Variants in PHF24 observed in about 807,000 individuals in gnomAD.
The protein encoded by PHF24 is Galpha inhibitory interacting protein.
Under a neutral mutation model 42.6 loss-of-function variants are expected in PHF24, and 25 were observed. The ratio of observed to expected loss-of-function variants is 0.59; its 90% CI spans 0.43 to 0.82. The LOEUF is 0.82. Ranked by LOEUF, PHF24 falls within the 40% of genes least tolerant of loss-of-function variation. The pLI is 0.00. For missense variants in PHF24, 470 were observed against 538.1 expected (o/e 0.87, Z 1.25); for synonymous variants, 185 against 204.8 (o/e 0.90, Z 0.83).
exon 5 of PHF24, chr9:34,976,613 G>C (rs1384080133): frequency 1.2e-6 from 2 of 1,614,070 alleles, no homozygotes; most frequent in Non-Finnish European, 1.7e-6. Context: ...AGGGCCCTGA[G>C]TGAGGAGCAA....
At chr9:34,699,350 A>G in the PHF24 span, among the ~76,000 whole-genome samples, 1 of 152,206 alleles carries the variant, frequency 6.6e-6, no homozygotes, top group Non-Finnish European at 1.5e-5. Flanking sequence ...CCTGAAATAC[A>G]GTGGTTAAGG....
chr9:34,907,288 C>T, the PHF24 span, among the ~76,000 whole-genome samples: 1 of 152,140 alleles, frequency 6.6e-6, no homozygotes, highest in African/African-American at 2.4e-5. Flanking sequence ...GACTTACTGC[C>T]CCTCAAAGGA....
At chr9:34,733,121 A>C in the PHF24 span, among the ~76,000 whole-genome samples, 7 of 151,868 alleles carry the variant, frequency 4.6e-5, no homozygotes, top group Non-Finnish European at 8.8e-5. Flanking sequence ...CAATTGTATG[A>C]ATTTGCACTC....
At chr9:34,794,117 A>G in the PHF24 span, among the ~76,000 whole-genome samples, 1 of 152,132 alleles carries the variant, frequency 6.6e-6, no homozygotes, top group Non-Finnish European at 1.5e-5. Context: ...TCCAAAGTGT[A>G]CATGCATTGA....
At chr9:34,971,926 G>A (rs1020675496) in intron 2 of PHF24, among the ~76,000 whole-genome samples, 6 of 152,130 alleles carry the variant, frequency 3.9e-5, no homozygotes, top group Admixed American at 2.6e-4. Context: ...CCTCTTCCCC[G>A]CTGCCATGGG....
chr9:34,982,463 C>T (rs1369250292), exon 8 of PHF24: 1 of 152,252 alleles, frequency 6.6e-6, no homozygotes, highest in African/African-American at 2.4e-5. Flanking sequence ...TCTGCGTGGC[C>T]CAGCCTTCAC....
the PHF24 span, among the ~76,000 whole-genome samples, chr9:34,753,630 G>GA: frequency 3.3e-5 from 5 of 151,970 alleles, no homozygotes; most frequent in East Asian, 9.6e-4. Flanking sequence ...CACAGAAATA[G>GA]AAAAAACAAT....
the PHF24 span, among the ~76,000 whole-genome samples, chr9:34,814,209 C>T: frequency 1.3e-5 from 2 of 152,120 alleles, no homozygotes; most frequent in Non-Finnish European, 2.9e-5. Context: ...AAGTGTCTTT[C>T]CTAGGACTTC....
chr9:34,737,857 C>T, the PHF24 span, among the ~76,000 whole-genome samples: 1 of 152,248 alleles, frequency 6.6e-6, no homozygotes, highest in Non-Finnish European at 1.5e-5. Context: ...TGTCTGTTTC[C>T]TCTCCTCTTG....
the PHF24 span, among the ~76,000 whole-genome samples, chr9:34,883,485 C>G: frequency 6.6e-6 from 1 of 152,170 alleles, no homozygotes; most frequent in African/African-American, 2.4e-5. Flanking sequence ...GGCTAATATC[C>G]AGAATCTACA....
At chr9:34,782,549 A>G in the PHF24 span, among the ~76,000 whole-genome samples, 1 of 152,112 alleles carries the variant, frequency 6.6e-6, no homozygotes, top group African/African-American at 2.4e-5. Context: ...CAGTCCAGTG[A>G]CTCATCCTGT....
At chr9:34,723,860 C>T in the PHF24 span, 31 of 1,551,488 alleles carry the variant, frequency 2.0e-5, no homozygotes, top group South Asian at 1.9e-4. Context: ...CCCAGGGACT[C>T]GTGGAGGTAG....
chr9:34,817,136 T>C, the PHF24 span, among the ~76,000 whole-genome samples: 4 of 152,274 alleles, frequency 2.6e-5, no homozygotes, highest in African/African-American at 9.6e-5. Context: ...CTAGCTATTT[T>C]GAAATATAAA....
the PHF24 span, among the ~76,000 whole-genome samples, chr9:34,765,885 G>A: frequency 6.6e-6 from 1 of 151,906 alleles, no homozygotes; most frequent in Non-Finnish European, 1.5e-5. Context: ...AGCTCTTTTA[G>A]GGCATGCCTG....
the PHF24 span, among the ~76,000 whole-genome samples, chr9:34,915,131 C>T: frequency 6.8e-6 from 1 of 146,860 alleles, no homozygotes; most frequent in African/African-American, 2.5e-5. Flanking sequence ...CTCCTGGGCT[C>T]AAGCTATCCT....
chr9:34,686,270 G>A, the PHF24 span, among the ~76,000 whole-genome samples: 10 of 152,112 alleles, frequency 6.6e-5, no homozygotes, highest in Non-Finnish European at 1.0e-4. Flanking sequence ...TGAGTTTCCC[G>A]TAGCCTAGAA....
the PHF24 span, among the ~76,000 whole-genome samples, chr9:34,919,115 C>A: frequency 3.9e-3 from 589 of 152,204 alleles, 1 homozygote; most frequent in South Asian, 0.027. Context: ...GCAGACAGTG[C>A]TGAAAGTTCC....
the PHF24 span, among the ~76,000 whole-genome samples, chr9:34,939,005 G>T: frequency 6.6e-6 from 1 of 151,104 alleles, no homozygotes; most frequent in African/African-American, 2.4e-5. Flanking sequence ...AATTGGCCAG[G>T]TGCAGTGCCT....
chr9:34,669,045 C>T, the PHF24 span, among the ~76,000 whole-genome samples: 1 of 152,174 alleles, frequency 6.6e-6, no homozygotes, highest in Admixed American at 6.5e-5. Context: ...TACCTATGAC[C>T]TGGAAGCCCC....
Sources: gnomAD v4.1 joint callset for allele counts (sites outside exome capture counted in the v4.1 genomes callset) on GRCh38, gnomAD v4.1.1 for gene constraint, MANE v1.5 for transcripts, NCBI Gene and HGNC (gene_info 2026-07-23, HGNC 2026-07-21) for gene names.